The following CNNM4 variants were observed in gnomAD, a reference collection of about 807,000 sequenced individuals.
The protein encoded by CNNM4 is cyclin and CBS domain divalent metal cation transport mediator 4.
A neutral mutation model predicts 53.7 loss-of-function variants in CNNM4; 32 were observed. The observed-to-expected ratio is 0.60, with a 90% CI of 0.45 to 0.80. The LOEUF (loss-of-function observed/expected upper bound fraction) is 0.80, where lower values mean the gene tolerates loss of function less well. Ranked by LOEUF, CNNM4 falls within the 30% of genes least tolerant of loss-of-function variation. The pLI is 0.00. For synonymous variants in CNNM4, 410 were observed against 440.0 expected (o/e 0.93, Z 0.85); for missense variants, 784 against 1,022.0 (o/e 0.77, Z 3.17).
chr2:96,795,792 C>T (rs376080346), intron 1 of CNNM4, among the ~76,000 whole-genome samples: 1 of 152,166 alleles, frequency 6.6e-6, no homozygotes, highest in Non-Finnish European at 1.5e-5. Context: ...TGTGTTCCTG[C>T]GAGTGGGGTA....
intron 1 of CNNM4, among the ~76,000 whole-genome samples, chr2:96,764,525 ATGCCATCACTT>A (rs1281745036): frequency 6.6e-6 from 1 of 151,782 alleles, no homozygotes; most frequent in African/African-American, 2.4e-5. Flanking sequence ...CTGCGGCTTT[ATGCCATCACTT>A]ACTTCCCCAT....
chr2:96,797,001 T>G lies in CNNM4; in HGVS notation c.1403-11T>G. On this transcript the variant is annotated splice_polypyrimidine_tract_variant and intron_variant, in intron 1 of 6. Coordinates refer to ENST00000377075, the MANE Select transcript of CNNM4 (RefSeq NM_020184.4). The surrounding 1 kb of genome is among the most constrained non-coding windows in gnomAD (Gnocchi z 6.0). Reference sequence around the variant, plus strand: ...CTGGGCTCTTGTCTGACTTGCTGCATTGTCCCACAGGGAAGTCCCACCTGG... The same window carrying G: ...CTGGGCTCTTGTCTGACTTGCTGCAGTGTCCCACAGGGAAGTCCCACCTGG... 2 of 1,612,432 alleles carry G rather than the reference T, an allele frequency of 1.2e-6. No individual in the cohort carries two copies. Among genetic ancestry groups the G allele is most frequent in the Non-Finnish European group, 1.7e-6 (2 of 1,179,926 alleles).
intron 5 of CNNM4, among the ~76,000 whole-genome samples, chr2:96,804,346 C>T (rs1476016001): frequency 6.6e-6 from 1 of 151,386 alleles, no homozygotes; most frequent in Non-Finnish European, 1.5e-5. Context: ...TCTCCTGCCT[C>T]AGCTTCCCGA....
chr2:96,806,535 A>ACACATG (rs374638753), intron 5 of CNNM4, among the ~76,000 whole-genome samples: 1 of 123,944 alleles, frequency 8.1e-6, no homozygotes, highest in African/African-American at 2.9e-5. Context: ...ACACACACAC[A>ACACATG]CGCGCGCGCG....
intron 1 of CNNM4, among the ~76,000 whole-genome samples, chr2:96,795,836 A>G (rs538201703): frequency 6.6e-6 from 1 of 152,124 alleles, no homozygotes; most frequent in South Asian, 2.1e-4. Flanking sequence ...TAGACTGTGG[A>G]CCTAGCCCTT....
chr2:96,763,079 A>G (rs926570676), intron 1 of CNNM4, among the ~76,000 whole-genome samples: 3 of 152,056 alleles, frequency 2.0e-5, no homozygotes, highest in Admixed American at 6.6e-5. Flanking sequence ...GGAGGTCTCT[A>G]ATTGGCTCGC....
rs538290779 is a variant in CNNM4, at chr2:96,806,786, G to A, written c.1949-1775G>A. Among the ~76,000 whole-genome samples the A allele has an allele frequency of 6.5e-4, 99 of 152,180 alleles. 1 individual carries two copies. The South Asian group carries it at 0.018, about 28-fold the overall frequency. ...AAACAAGTTAATGATATACAGTAAC[G>A]TATATCATTTGAAAAAGCAGTTTCT... On this transcript the variant is annotated intron_variant, in intron 5 of 6. Coordinates refer to ENST00000377075, the MANE Select transcript of CNNM4 (RefSeq NM_020184.4).
intron 1 of CNNM4, among the ~76,000 whole-genome samples, chr2:96,772,195 T>G (rs112192447): frequency 1.5e-5 from 2 of 134,730 alleles, no homozygotes; most frequent in Admixed American, 7.3e-5. Flanking sequence ...CAGGCAGGCT[T>G]ACTCCCACCT....
chr2:96,794,040 G>C (rs1161131959), intron 1 of CNNM4, among the ~76,000 whole-genome samples: 2 of 152,162 alleles, frequency 1.3e-5, no homozygotes, highest in African/African-American at 4.8e-5. Context: ...TCAGGATTTG[G>C]TCTGAGCCTG....
chr2:96,782,068 A>G (rs969887420), intron 1 of CNNM4, among the ~76,000 whole-genome samples: 1 of 152,208 alleles, frequency 6.6e-6, no homozygotes, highest in East Asian at 1.9e-4. Flanking sequence ...AATTTATTGT[A>G]TAACCGGAGT....
At chr2:96,789,732 G>A (rs1219338194) in intron 1 of CNNM4, among the ~76,000 whole-genome samples, 3 of 150,332 alleles carry the variant, frequency 2.0e-5, no homozygotes, top group African/African-American at 4.9e-5. Context: ...AGTCTGTGTC[G>A]CCCAGGCTGG....
intron 1 of CNNM4, 105 bp from the exon 2 acceptor site, chr2:96,796,907 C>G (rs1574078118): frequency 1.7e-6 from 2 of 1,145,108 alleles, no homozygotes; most frequent in East Asian, 2.5e-5. Context: ...CACCATGACC[C>G]CATCCTGGTG....
chr2:96,774,401 G>A (rs2078906011), intron 1 of CNNM4, among the ~76,000 whole-genome samples: 1 of 152,078 alleles, frequency 6.6e-6, no homozygotes, highest in African/African-American at 2.4e-5. Context: ...GTGGCAGAGC[G>A]AGACCCTGTG....
At position 96,761,957 on chromosome 2, in the gene CNNM4, A is replaced by G. The variant is rs2078768552; in HGVS notation, c.958A>G (p.Ile320Val). Reference sequence around the variant, plus strand: ...ACTCACCTTCCCCCTCAGTTTTCCCATTAGCAAGCTCCTGGACTTTTTTCT... The same window carrying G: ...ACTCACCTTCCCCCTCAGTTTTCCCGTTAGCAAGCTCCTGGACTTTTTTCT... ...MLLTFPLSFPISKLLDFFLGQ... is the reference protein window; with the variant it reads ...MLLTFPLSFPVSKLLDFFLGQ... The change falls in exon 1 of 7, where the codon ATT becomes GTT. Residue 320 changes from isoleucine (I) to valine (V), a missense_variant. Coordinates refer to ENST00000377075, the MANE Select transcript of CNNM4 (RefSeq NM_020184.4). This position sits in a 1 kb window ranked among gnomAD's most constrained non-coding sequence, Gnocchi z 6.0. The G allele has an allele frequency of 1.2e-6, 2 of 1,613,964 alleles. No homozygotes were observed. Among genetic ancestry groups the G allele is most frequent in the Non-Finnish European group, 1.7e-6 (2 of 1,180,028 alleles).
chr2:96,769,815 TC>T (rs2078853048), intron 1 of CNNM4, among the ~76,000 whole-genome samples: 1 of 152,172 alleles, frequency 6.6e-6, no homozygotes, highest in Non-Finnish European at 1.5e-5. Context: ...TTGCACCGGT[TC>T]TCCGTCAGCC....
Position 96,761,447 on chromosome 2 carries a change from C to A in CNNM4, c.448C>A (p.Leu150Met). ...GAGCGAGAGCATGAAGCTGTATGCA[C>A]TGTGCACCCGGGCCCAGCCCGACGG... ...RRSESMKLYA[L>M]CTRAQPDGPW... The change falls in exon 1 of 7, where the codon CTG becomes ATG. Residue 150 changes from leucine (L) to methionine (M), a missense_variant. By Grantham distance (15) the Leu-to-Met change is conservative. Around this residue, in one of 3 missense-constraint regions of CNNM4, gnomAD observed 473 missense variants for 624.6 expected, o/e 0.76. Transcript: ENST00000377075. This position sits in a 1 kb window ranked among gnomAD's most constrained non-coding sequence, Gnocchi z 6.0. The A allele has an allele frequency of 6.2e-7, 1 of 1,614,146 alleles. No homozygotes were observed. The highest frequency in any genetic ancestry group is 8.5e-7 in the Non-Finnish European group (1 of 1,180,038).
Position 96,809,469 on chromosome 2 carries a change from C to T in CNNM4, c.2280C>T (p.Asn760=), listed in dbSNP as rs749389500. The change falls in exon 7 of 7, where the codon AAC becomes AAT. Residue 760 remains asparagine (N), a synonymous_variant. Coordinates refer to ENST00000377075, the MANE Select transcript of CNNM4 (RefSeq NM_020184.4). ...PVVDETTTLL[N]ERNSLLHKAS... ...TGGACGAGACCACAACTCTTCTCAA[C>T]GAGCGTAACTCCTTGCTGCACAAAG... 16 of 1,614,080 alleles carry T rather than the reference C, an allele frequency of 9.9e-6. 1 individual carries two copies. The highest frequency in any genetic ancestry group is 6.6e-5 in the South Asian group (6 of 91,090).
chr2:96,804,596 TTTC>T (rs1390879004), intron 5 of CNNM4, among the ~76,000 whole-genome samples: 1 of 151,952 alleles, frequency 6.6e-6, no homozygotes, highest in African/African-American at 2.4e-5. Context: ...AGAGACGGAG[TTTC>T]ACCATGTTGG....
At chr2:96,799,522 G>T (rs1166454894) in intron 4 of CNNM4, 30 bp from the exon 5 acceptor site, 3 of 1,537,564 alleles carry the variant, frequency 2.0e-6, no homozygotes, top group Non-Finnish European at 2.6e-6. Context: ...CCCTCACTTG[G>T]TCTCTAACTC....
Sources: gnomAD v4.1 joint callset for allele counts (sites outside exome capture counted in the v4.1 genomes callset) on GRCh38, gnomAD v4.1.1 for gene constraint, gnomAD v4.1.1 regional missense constraint, Gnocchi (gnomAD v3.1) non-coding constraint, MANE v1.5 for transcripts, NCBI Gene and HGNC (gene_info 2026-07-23, HGNC 2026-07-21) for gene names.